ASMTL: variants seen among roughly 807,000 people sequenced by gnomAD.
ASMTL encodes the protein probable bifunctional dTTP/UTP pyrophosphatase/methyltransferase protein.
Under a neutral mutation model 60.3 loss-of-function variants are expected in ASMTL, and 57 were observed. The ratio of observed to expected loss-of-function variants is 0.95; its 90% CI spans 0.76 to 1.18. The LOEUF (loss-of-function observed/expected upper bound fraction) is 1.18, where lower values mean the gene tolerates loss of function less well. Ranked by LOEUF, ASMTL falls within the 50% of genes most tolerant of loss-of-function variation. The pLI is 0.00. For synonymous variants in ASMTL, 419 were observed against 373.0 expected, an observed-to-expected ratio of 1.12 and a Z score of -1.42; for missense variants, 981 against 852.6, an observed-to-expected ratio of 1.15 and a Z score of -1.88.
chrX:1,442,819 G>A (rs1416175968), intron 1 of ASMTL, among the ~76,000 whole-genome samples: 4 of 152,070 alleles, frequency 2.6e-5, no homozygotes, highest in Non-Finnish European at 5.9e-5. Flanking sequence ...AGACAACACC[G>A]CCCCTGGGGA....
intron 1 of ASMTL, among the ~76,000 whole-genome samples, chrX:1,446,683 T>A (rs1306474620): frequency 6.6e-6 from 1 of 152,036 alleles, no homozygotes; most frequent in Non-Finnish European, 1.5e-5. Flanking sequence ...GTAATTTTAG[T>A]AGAGACGGGG....
intron 5 of ASMTL, among the ~76,000 whole-genome samples, chrX:1,433,447 C>G (rs1161018254): frequency 7.2e-6 from 1 of 138,494 alleles, no homozygotes; most frequent in African/African-American, 2.7e-5. Context: ...GGGCGGATCA[C>G]AAGGTCAGGA....
intron 9 of ASMTL, among the ~76,000 whole-genome samples, chrX:1,420,131 GTC>G (rs1234899934): frequency 6.7e-6 from 1 of 149,270 alleles, no homozygotes; most frequent in Admixed American, 6.7e-5. Flanking sequence ...CCCTCTATGT[GTC>G]TGTCTGTCTC....
intron 7 of ASMTL, among the ~76,000 whole-genome samples, chrX:1,427,443 T>C (rs2090640991): frequency 6.6e-6 from 1 of 150,812 alleles, no homozygotes; most frequent in African/African-American, 2.4e-5. Context: ...CAATGACAGG[T>C]GTCCTTCTAA....
chrX:1,439,289 C>T (rs533743116), intron 2 of ASMTL, 145 bp from the exon 3 acceptor site: 39 of 736,476 alleles, frequency 5.3e-5, no homozygotes, highest in African/African-American at 4.8e-4. Flanking sequence ...CTCAAGGTCA[C>T]GAGCAAGGAC....
chrX:1,430,676 G>A (rs1266091307), intron 6 of ASMTL, among the ~76,000 whole-genome samples: 1 of 151,634 alleles, frequency 6.6e-6, no homozygotes, highest in East Asian at 1.9e-4. Context: ...TGGGGCTGAG[G>A]TGAGAGGATC....
intron 1 of ASMTL, among the ~76,000 whole-genome samples, chrX:1,451,948 A>C (rs1381668927): frequency 0.014 from 713 of 49,420 alleles, no homozygotes; most frequent in East Asian, 0.023. Context: ...CTCCCCAACC[A>C]CATGCCTAGG....
At chrX:1,418,885 C>G in intron 10 of ASMTL, 97 bp downstream of exon 10, 3 of 1,495,682 alleles carry the variant, frequency 2.0e-6, no homozygotes, top group African/African-American at 2.7e-5. Context: ...TCAGGTTTGT[C>G]AATGGAAAAA....
At chrX:1,416,479 ATACAG>A in intron 11 of ASMTL, among the ~76,000 whole-genome samples, 1 of 151,310 alleles carries the variant, frequency 6.6e-6, no homozygotes, top group African/African-American at 2.4e-5. Flanking sequence ...ACACATGGAC[ATACAG>A]ATACAGCGAC....
Position 1,413,095 on chromosome X carries a change from G to A in ASMTL, c.1523-241C>T, listed in dbSNP as rs770058739. 7 of 549,868 alleles carry A rather than the reference G, an allele frequency of 1.3e-5. No homozygotes were observed. In the South Asian group the frequency reaches 1.6e-4, roughly 12 times the overall value. The allele number at this position is 549,868 out of a possible 1,614,324, so 34.1% of individuals were successfully genotyped here. On this transcript the variant is annotated intron_variant, in intron 11 of 12. Coordinates refer to ENST00000381317, the MANE Select transcript of ASMTL (RefSeq NM_004192.4). ...GGCTGAGAAAACGCTGGGGACAGTG[G>A]CTCACACCTGTAATCTCAGCATTTT...
intron 11 of ASMTL, among the ~76,000 whole-genome samples, chrX:1,417,197 G>A (rs1408891772): frequency 2.0e-4 from 29 of 143,498 alleles, no homozygotes; most frequent in Non-Finnish European, 2.8e-4. Flanking sequence ...AGATGCAGAC[G>A]TACACACAGA....
At chrX:1,441,414 T>C (rs2091103901) in intron 2 of ASMTL, among the ~76,000 whole-genome samples, 1 of 152,074 alleles carries the variant, frequency 6.6e-6, no homozygotes, top group East Asian at 1.9e-4. Flanking sequence ...GTAGCTGGGA[T>C]TACAGGCACC....
At chrX:1,439,957 G>T (rs1177971904) in intron 2 of ASMTL, among the ~76,000 whole-genome samples, 1 of 152,024 alleles carries the variant, frequency 6.6e-6, no homozygotes, top group East Asian at 1.9e-4. Flanking sequence ...CAGGACATCT[G>T]TGTGCAGCTT....
chrX:1,435,667 G>T (rs1208672415), intron 4 of ASMTL, 27 bp downstream of exon 4: 1 of 1,612,276 alleles, frequency 6.2e-7, no homozygotes, highest in Admixed American at 1.7e-5. Flanking sequence ...GAACCCGAGA[G>T]GGCTCAGAGG....
At chrX:1,437,836 G>T (rs1343945351) in intron 3 of ASMTL, among the ~76,000 whole-genome samples, 1 of 148,978 alleles carries the variant, frequency 6.7e-6, no homozygotes, top group Non-Finnish European at 1.5e-5. Context: ...GGCGGAGGTT[G>T]CAATGAGCTG....
chrX:1,416,741 TCAGTCATGCACACACAGACA>T (rs1331492535), intron 11 of ASMTL, among the ~76,000 whole-genome samples: 10 of 5,176 alleles, frequency 1.9e-3, no homozygotes, highest in African/African-American at 3.7e-3. Flanking sequence ...CCACACACAG[TCAGTCATGCACACACAGACA>T]CATGCACACA....
At chrX:1,422,219 G>A (rs1212724051) in intron 8 of ASMTL, among the ~76,000 whole-genome samples, 6 of 152,078 alleles carry the variant, frequency 3.9e-5, no homozygotes, top group Non-Finnish European at 7.4e-5. Flanking sequence ...TGTAGCTGGC[G>A]TTTGCATCTA....
chrX:1,444,528 C>T (rs1193530833), intron 1 of ASMTL, among the ~76,000 whole-genome samples: 2 of 152,084 alleles, frequency 1.3e-5, no homozygotes, highest in Non-Finnish European at 2.9e-5. Flanking sequence ...ATATTTGTTT[C>T]CTCCTTCTTA....
intron 11 of ASMTL, 71 bp from the exon 12 acceptor site, chrX:1,412,925 G>C: frequency 2.6e-6 from 4 of 1,563,786 alleles, no homozygotes; most frequent in East Asian, 2.3e-5. Flanking sequence ...CAGATCCTGG[G>C]ACGGCCACCC....
Sources: allele counts gnomAD v4.1 joint callset (sites outside exome capture counted in the v4.1 genomes callset), GRCh38; gene constraint gnomAD v4.1.1; transcripts MANE v1.5; gene names NCBI Gene and HGNC (gene_info 2026-07-23, HGNC 2026-07-21).